Variants in SLC35F4 observed in about 807,000 individuals in gnomAD.
The protein encoded by SLC35F4 is chromosome 14 open reading frame 36.
A neutral mutation model predicts 44.2 loss-of-function variants in SLC35F4; 24 were observed. The ratio of observed to expected loss-of-function variants is 0.54; its 90% CI spans 0.39 to 0.76. The LOEUF is 0.76. Among genes scored for constraint, SLC35F4 ranks in the 30% least tolerant of loss-of-function variants. The pLI, the probability that SLC35F4 is intolerant of heterozygous loss-of-function variation, is 0.00. For missense variants in SLC35F4, 562 were observed against 586.1 expected, an observed-to-expected ratio of 0.96 and a Z score of 0.42; for synonymous variants, 238 against 223.6, an observed-to-expected ratio of 1.06 and a Z score of -0.57.
chr14:57,981,221 C>A lies in SLC35F4; in HGVS notation n.151+692G>T, dbSNP rs11628233. ...TTTTCTGTCCTCTGAACATGTGTAA[C>A]CAGACCATCCCACTGTGCTTGAGGA... On this transcript the variant is annotated intron_variant and non_coding_transcript_variant, in intron 1 of 1. Transcript: ENST00000554648. Among the ~76,000 whole-genome samples the A allele has an allele frequency of 4.0e-3, 615 of 152,286 alleles. 3 individuals are homozygous for A. Among genetic ancestry groups the A allele is most frequent in the South Asian group, 0.013 (65 of 4,830 alleles).
At position 57,888,553 on chromosome 14, in the gene SLC35F4, TA is replaced by T. The variant is rs562331660; in HGVS notation, n.282+93359del. On this transcript the variant is annotated intron_variant and non_coding_transcript_variant, in intron 1 of 1. Transcript: ENST00000556568. Reference sequence around the variant, plus strand: ...TCAAACAGCACAGTCTCATGCATAATAAATGCTCAATAACGACCAGTTGTTG... The same window carrying T: ...TCAAACAGCACAGTCTCATGCATAATAATGCTCAATAACGACCAGTTGTTG... 4.6e-5 allele frequency among the ~76,000 whole-genome samples: 7 copies of T among 152,324 alleles called. No individual in the cohort carries two copies. In the South Asian group the frequency reaches 1.4e-3, roughly 32 times the overall value.
chr14:57,873,583 G>C (rs533385503), intron 1 of SLC35F4, among the ~76,000 whole-genome samples: 1 of 152,058 alleles, frequency 6.6e-6, no homozygotes, highest in Non-Finnish European at 1.5e-5. Context: ...GATTGTATAC[G>C]GATGTCTACT....
At chr14:57,715,064 T>G (rs966788725) in intron 1 of SLC35F4, among the ~76,000 whole-genome samples, 1 of 151,410 alleles carries the variant, frequency 6.6e-6, no homozygotes, top group Admixed American at 6.6e-5. Flanking sequence ...TTGAGAGGAA[T>G]AGGAAAGAGA....
intron 1 of SLC35F4, among the ~76,000 whole-genome samples, chr14:57,827,322 G>A (rs958857121): frequency 3.3e-5 from 5 of 151,930 alleles, no homozygotes; most frequent in Non-Finnish European, 7.4e-5. Context: ...AACAGGGAGG[G>A]GAACAACACA....
intron 1 of SLC35F4, among the ~76,000 whole-genome samples, chr14:57,641,976 A>G (rs1018426711): frequency 5.3e-5 from 8 of 152,054 alleles, no homozygotes; most frequent in Admixed American, 2.0e-4. Context: ...GGATTGCACA[A>G]TCAACTCTAA....
Position 57,566,462 on chromosome 14 carries a change from A to G in SLC35F4, c.1216+13T>C. The G allele has an allele frequency of 1.3e-6, 2 of 1,579,320 alleles. No homozygotes were observed. The highest frequency in any genetic ancestry group is 1.7e-6 in the Non-Finnish European group (2 of 1,161,986). On this transcript the variant is annotated intron_variant, in intron 7 of 7. Transcript: ENST00000556826. ...AGTGGCCAGGATCTGCACATGTCACATGGTGCCTGTACCTGCATTTCCAGG... is the reference window on the plus strand; with the variant it reads ...AGTGGCCAGGATCTGCACATGTCACGTGGTGCCTGTACCTGCATTTCCAGG...
intron 1 of SLC35F4, among the ~76,000 whole-genome samples, chr14:57,772,399 G>T (rs981190051): frequency 6.6e-6 from 1 of 151,952 alleles, no homozygotes; most frequent in South Asian, 2.1e-4. Flanking sequence ...TTTGATTAGG[G>T]GGTACATGTG....
In SLC35F4 at chr14:57,643,821, T is replaced by C. The variant is rs183403290; in HGVS notation, c.104-49697A>G. On this transcript the variant is annotated intron_variant, in intron 1 of 7. Transcript: ENST00000556826. The stretch of plus-strand genomic sequence containing the variant: ...TGTGATGTTCCCCTTCCTGTGTCCA[T>C]GTGTTCTCATTGTTCAATTCCCACC... Among the ~76,000 whole-genome samples the C allele has an allele frequency of 8.6e-4, 130 of 151,984 alleles. 1 individual carries two copies. Among genetic ancestry groups the C allele is most frequent in the Non-Finnish European group, 1.5e-3 (102 of 67,964 alleles).
chr14:57,675,111 C>A lies in SLC35F4; in HGVS notation c.104-80987G>T, dbSNP rs1431895495. Among the ~76,000 whole-genome samples, 8 of 152,162 alleles carry A rather than the reference C, an allele frequency of 5.3e-5. 1 individual carries two copies. In the Middle Eastern group the frequency reaches 0.017, roughly 323 times the overall value. Reference sequence around the variant, plus strand: ...CATTTATGGTAGAAAACAACCAGAACAGTGCTTTCCTCTGGTGGTGGTTAG... The same window carrying A: ...CATTTATGGTAGAAAACAACCAGAAAAGTGCTTTCCTCTGGTGGTGGTTAG... On this transcript the variant is annotated intron_variant, in intron 1 of 7. Coordinates refer to ENST00000556826, the MANE Select transcript of SLC35F4 (RefSeq NM_001306087.2).
chr14:57,631,569 G>A (rs138934314), intron 1 of SLC35F4, among the ~76,000 whole-genome samples: 3,411 of 152,108 alleles, frequency 0.022, 70 homozygotes, highest in South Asian at 0.048. Context: ...CTCGTTATGA[G>A]GGAGGTTTGC....
chr14:57,825,830 A>G (rs1175782990), intron 1 of SLC35F4, among the ~76,000 whole-genome samples: 2 of 152,190 alleles, frequency 1.3e-5, no homozygotes, highest in African/African-American at 4.8e-5. Flanking sequence ...GGACCTCTTC[A>G]AGGAGAACTA....
At chr14:57,776,438 G>A (rs565677190) in intron 1 of SLC35F4, among the ~76,000 whole-genome samples, 93 of 152,124 alleles carry the variant, frequency 6.1e-4, no homozygotes, top group Non-Finnish European at 1.1e-3. Flanking sequence ...GGGAGGCCAC[G>A]GGCGGATCAC....
At chr14:57,953,184 GCTTC>G (rs532753959) in intron 1 of SLC35F4, among the ~76,000 whole-genome samples, 19,358 of 152,084 alleles carry the variant, frequency 0.13, 1,618 homozygotes, top group East Asian at 0.25. Flanking sequence ...AGACAACTAA[GCTTC>G]ATAAGCGAAG....
chr14:57,583,840 T>A (rs538337872), intron 3 of SLC35F4, among the ~76,000 whole-genome samples: 4 of 152,032 alleles, frequency 2.6e-5, no homozygotes, highest in African/African-American at 7.2e-5. Flanking sequence ...AAAAAAAATA[T>A]GGATTTTTAT....
chr14:57,688,684 C>A (rs1217867046), intron 1 of SLC35F4, among the ~76,000 whole-genome samples: 1 of 152,140 alleles, frequency 6.6e-6, no homozygotes, highest in East Asian at 1.9e-4. Context: ...GAGAACAATT[C>A]TATCTAGATG....
intron 1 of SLC35F4, among the ~76,000 whole-genome samples, chr14:57,887,074 A>G (rs1888666004): frequency 6.6e-6 from 1 of 152,202 alleles, no homozygotes; most frequent in Admixed American, 6.5e-5. Context: ...AGAGGCCTTC[A>G]GTTAAGAAAT....
intron 1 of SLC35F4, among the ~76,000 whole-genome samples, chr14:57,746,261 T>C (rs1256689715): frequency 6.6e-6 from 1 of 152,090 alleles, no homozygotes; most frequent in Non-Finnish European, 1.5e-5. Context: ...ACTCAATGAT[T>C]CACCATTGTT....
At chr14:57,920,426 A>G (rs964123675) in intron 1 of SLC35F4, among the ~76,000 whole-genome samples, 1 of 152,116 alleles carries the variant, frequency 6.6e-6, no homozygotes, top group African/African-American at 2.4e-5. Flanking sequence ...CTAAAAAATT[A>G]GCCAGGCATG....
At chr14:57,925,283 A>T (rs1318020707) in intron 1 of SLC35F4, among the ~76,000 whole-genome samples, 1 of 152,126 alleles carries the variant, frequency 6.6e-6, no homozygotes, top group Non-Finnish European at 1.5e-5. Context: ...CTGCCTTGTA[A>T]TACAGACTTC....
Sources: allele counts gnomAD v4.1 joint callset (sites outside exome capture counted in the v4.1 genomes callset), GRCh38; gene constraint gnomAD v4.1.1; transcripts MANE v1.5; gene names NCBI Gene and HGNC (gene_info 2026-07-23, HGNC 2026-07-21).